Variants in DNAH17 observed in about 807,000 individuals in gnomAD.
DNAH17 encodes dynein axonemal heavy chain 17.
A neutral mutation model predicts 485.6 loss-of-function variants in DNAH17; 376 were observed. The ratio of observed to expected loss-of-function variants is 0.77; its 90% CI spans 0.71 to 0.84. The LOEUF (loss-of-function observed/expected upper bound fraction) is 0.84. Among genes scored for constraint, DNAH17 ranks in the 40% least tolerant of loss-of-function variants. The pLI is 0.00. For missense variants in DNAH17, 6,370 were observed against 5,839.3 expected (o/e 1.09, Z -2.96); for synonymous variants, 3,031 against 2,405.9 (o/e 1.26, Z -7.60).
intron 33 of DNAH17, chr17:78,502,083 C>CGTA (rs1568164567): frequency 1.6e-6 from 1 of 613,728 alleles, no homozygotes; most frequent in Non-Finnish European, 2.8e-6. Flanking sequence ...CTAGCATGGA[C>CGTA]GTAGTAGAAG....
chr17:78,498,654 CCTTT>C (rs1568158034), intron 37 of DNAH17, among the ~76,000 whole-genome samples: 2 of 152,238 alleles, frequency 1.3e-5, no homozygotes, highest in South Asian at 2.1e-4. Flanking sequence ...CTCTCCCCCT[CCTTT>C]CTTTCTTTCC....
Position 78,500,224 on chromosome 17 carries a change from G to C in DNAH17, c.5640+81C>G, listed in dbSNP as rs747105673. 6 of 1,434,414 alleles carry C rather than the reference G, an allele frequency of 4.2e-6. No homozygotes were observed. In the African/African-American group the frequency reaches 7.2e-5, roughly 17 times the overall value. The allele number at this position is 1,434,414 out of a possible 1,614,324, so 88.9% of individuals were successfully genotyped here. On this transcript the variant is annotated intron_variant, in intron 36 of 80. Transcript: ENST00000389840. ...TATCCAGAGATCTGGAGTTTACTGTGGGGCCTCGGAGGACAGGGTGCTAGG... is the reference window on the plus strand; with the variant it reads ...TATCCAGAGATCTGGAGTTTACTGTCGGGCCTCGGAGGACAGGGTGCTAGG...
At chr17:78,520,575 C>G (rs1050104722) in intron 25 of DNAH17, among the ~76,000 whole-genome samples, 31 of 152,164 alleles carry the variant, frequency 2.0e-4, no homozygotes, top group African/African-American at 7.5e-4. Context: ...TATACCCAAA[C>G]AAACATGTGC....
intron 58 of DNAH17, among the ~76,000 whole-genome samples, chr17:78,460,548 T>A (rs1241314291): frequency 6.6e-6 from 1 of 152,256 alleles, no homozygotes; most frequent in Non-Finnish European, 1.5e-5. Context: ...CTGTATTTGC[T>A]GAATGTGCTC....
chr17:78,559,691 C>T (rs1313336405), intron 13 of DNAH17, among the ~76,000 whole-genome samples: 4 of 152,194 alleles, frequency 2.6e-5, no homozygotes, highest in African/African-American at 9.7e-5. Context: ...CGCAGCACAC[C>T]TCTGTCTGAC....
chr17:78,533,955 G>A (rs2091306776), intron 19 of DNAH17, among the ~76,000 whole-genome samples: 2 of 152,264 alleles, frequency 1.3e-5, no homozygotes, highest in South Asian at 4.1e-4. Context: ...CAAAGTGTTG[G>A]GATTACAGGC....
intron 75 of DNAH17, 76 bp from the exon 76 acceptor site, chr17:78,429,376 A>C (rs1428083942): frequency 6.7e-7 from 1 of 1,500,504 alleles, no homozygotes; most frequent in Non-Finnish European, 9.0e-7. Context: ...AGGCTCAGGC[A>C]GGCAGGGCGT....
At chr17:78,517,751 T>C (rs758557659) in intron 25 of DNAH17, among the ~76,000 whole-genome samples, 4 of 152,250 alleles carry the variant, frequency 2.6e-5, no homozygotes, top group Non-Finnish European at 5.9e-5. Flanking sequence ...TTGTCAGTTC[T>C]TTCAGTTCTG....
At chr17:78,445,221 G>A (rs1284170766) in intron 70 of DNAH17, among the ~76,000 whole-genome samples, 2 of 151,112 alleles carry the variant, frequency 1.3e-5, no homozygotes, top group East Asian at 3.9e-4. Flanking sequence ...GAGGCTGGGG[G>A]GAGGAGGGGA....
At chr17:78,511,573 C>T (rs2090636949) in intron 26 of DNAH17, among the ~76,000 whole-genome samples, 1 of 152,252 alleles carries the variant, frequency 6.6e-6, no homozygotes, top group African/African-American at 2.4e-5. Flanking sequence ...CACCGTTAGT[C>T]TAGTACGAAC....
At chr17:78,447,905 C>A (rs1207069915) in intron 69 of DNAH17, among the ~76,000 whole-genome samples, 1 of 151,222 alleles carries the variant, frequency 6.6e-6, no homozygotes, top group Admixed American at 6.6e-5. Context: ...GGTGCGGTGG[C>A]TCATGCCTGT....
rs1348169157 is a variant in DNAH17, at chr17:78,501,057, G to A, written c.5483+127C>T. On this transcript the variant is annotated intron_variant, in intron 35 of 80. Transcript: ENST00000389840. ...AGTGGTAGAACTGAATGTGAACACA[G>A]GTCCACCTGACGCAAATGCCCAGTC... 4 of 1,136,240 alleles carry A rather than the reference G, an allele frequency of 3.5e-6. No individual in the cohort carries two copies. The African/African-American group carries it at 4.6e-5, about 13-fold the overall frequency. 70.4% of individuals were successfully genotyped at this position (1,136,240 alleles called of 1,614,324 possible).
At chr17:78,477,996 CCACCATCAT>C (rs879547273) in intron 51 of DNAH17, among the ~76,000 whole-genome samples, 5,708 of 131,916 alleles carry the variant, frequency 0.043, 252 homozygotes, top group African/African-American at 0.11. Flanking sequence ...ACCATCACCA[CCACCATCAT>C]CACCATCATC....
At chr17:78,543,379 T>C (rs1318815162) in intron 17 of DNAH17, among the ~76,000 whole-genome samples, 5 of 150,884 alleles carry the variant, frequency 3.3e-5, no homozygotes, top group African/African-American at 7.3e-5. Flanking sequence ...CAAGCTCCGC[T>C]TCCCGGGTTC....
chr17:78,427,003 A>T lies in DNAH17; in HGVS notation c.12694T>A (p.Phe4232Ile), dbSNP rs759131475. 6.2e-7 allele frequency: 1 copy of T among 1,610,438 alleles called. No homozygotes were observed. Among genetic ancestry groups the T allele is most frequent in the East Asian group, 2.2e-5 (1 of 44,790 alleles). Reference sequence around the variant, plus strand: ...ATGTTCATTCTTTCACATTCTTGAAAGGCGACTACCACGTAGGGGGTCTTT... The same window carrying T: ...ATGTTCATTCTTTCACATTCTTGAATGGCGACTACCACGTAGGGGGTCTTT... Reference protein sequence around the residue: ...AEKTPYVVVAFQECERMNILT... With the variant: ...AEKTPYVVVAIQECERMNILT... The change falls in exon 78 of 81, where the codon TTT becomes ATT. Residue 4232 changes from phenylalanine (F) to isoleucine (I), a missense_variant. Physicochemically the swap from Phe to Ile is conservative, Grantham distance 21 (BLOSUM62 0). Transcript: ENST00000389840.
chr17:78,546,567 G>T (rs938398779), intron 16 of DNAH17, among the ~76,000 whole-genome samples: 3 of 152,092 alleles, frequency 2.0e-5, no homozygotes, highest in African/African-American at 7.2e-5. Flanking sequence ...ACTAGAACTT[G>T]CCATTAAGTT....
chr17:78,528,413 C>G (rs1905363960), intron 22 of DNAH17, among the ~76,000 whole-genome samples: 1 of 152,090 alleles, frequency 6.6e-6, no homozygotes, highest in African/African-American at 2.4e-5. Context: ...CGCCACCATG[C>G]CTGGCTAATT....
At position 78,558,103 on chromosome 17, in the gene DNAH17, C is replaced by T; in HGVS notation, c.2178+5G>A. The T allele has an allele frequency of 6.2e-7, 1 of 1,611,862 alleles. No individual in the cohort carries two copies. The highest frequency in any genetic ancestry group is 8.5e-7 in the Non-Finnish European group (1 of 1,179,084). ...ATCAGGAATAGTACCGACTCACCAA[C>T]TCACCTCATTATACCAGCCAACGAT... On this transcript the variant is annotated splice_donor_5th_base_variant and intron_variant, in intron 14 of 80. Coordinates refer to ENST00000389840, the MANE Select transcript of DNAH17 (RefSeq NM_173628.4).
At chr17:78,549,101 A>AC (rs1199125448) in intron 16 of DNAH17, among the ~76,000 whole-genome samples, 3 of 152,202 alleles carry the variant, frequency 2.0e-5, no homozygotes, top group African/African-American at 7.2e-5. Flanking sequence ...TATGAACTGC[A>AC]CGTCTGTGTT....
Sources: gnomAD v4.1 joint callset for allele counts (sites outside exome capture counted in the v4.1 genomes callset) on GRCh38, gnomAD v4.1.1 for gene constraint, MANE v1.5 for transcripts, NCBI Gene and HGNC (gene_info 2026-07-23, HGNC 2026-07-21) for gene names.